Variants in SKAP1 observed in about 807,000 individuals in gnomAD.
The protein encoded by SKAP1 is src kinase associated phosphoprotein 1.
Under a neutral mutation model 58.5 loss-of-function variants are expected in SKAP1, and 44 were observed. The observed-to-expected ratio is 0.75, with a 90% CI of 0.59 to 0.97. SKAP1 has a LOEUF of 0.97. SKAP1 is among the 50% of genes least tolerant of loss of function. The probability of loss-of-function intolerance (pLI) is 0.00; values close to 1 mark genes in which losing one functional copy is unlikely to be tolerated. For synonymous variants in SKAP1, 127 were observed against 149.7 expected, an observed-to-expected ratio of 0.85 and a Z score of 1.11; for missense variants, 390 against 435.2, an observed-to-expected ratio of 0.90 and a Z score of 0.92.
At chr17:48,305,181 T>A (rs989969564) in intron 4 of SKAP1, among the ~76,000 whole-genome samples, 1 of 152,150 alleles carries the variant, frequency 6.6e-6, no homozygotes, top group African/African-American at 2.4e-5. Context: ...TTGTTGTTAT[T>A]TATTTGTTTA....
intron 4 of SKAP1, among the ~76,000 whole-genome samples, chr17:48,208,299 C>A (rs2064832795): frequency 6.6e-6 from 1 of 152,170 alleles, no homozygotes; most frequent in African/African-American, 2.4e-5. Flanking sequence ...ATTTGAAATG[C>A]TTTGATTCCA....
the SKAP1 span, among the ~76,000 whole-genome samples, chr17:48,442,750 G>A: frequency 6.6e-6 from 1 of 152,066 alleles, no homozygotes; most frequent in Non-Finnish European, 1.5e-5. Flanking sequence ...CCACCATCCT[G>A]GTCCAAGCCA....
chr17:48,436,260 CAG>C, the SKAP1 span, among the ~76,000 whole-genome samples: 5 of 152,102 alleles, frequency 3.3e-5, no homozygotes, highest in African/African-American at 1.2e-4. Flanking sequence ...TTAGTACAGA[CAG>C]GGTTTCACCA....
chr17:48,402,466 A>C (rs1214686094), intron 1 of SKAP1, among the ~76,000 whole-genome samples: 4 of 151,932 alleles, frequency 2.6e-5, no homozygotes, highest in Non-Finnish European at 5.9e-5. Flanking sequence ...AGTAGCTGGG[A>C]TTACAGGTGC....
intron 10 of SKAP1, 118 bp from the exon 11 acceptor site, chr17:48,162,687 A>T: frequency 1.5e-6 from 1 of 667,512 alleles, no homozygotes; most frequent in Non-Finnish European, 2.6e-6. Context: ...CCTCAGATTA[A>T]GGGGAGTTGA....
intron 4 of SKAP1, among the ~76,000 whole-genome samples, chr17:48,250,280 T>TTG (rs1567838164): frequency 4.2e-5 from 3 of 71,582 alleles, no homozygotes; most frequent in Non-Finnish European, 6.0e-5. Flanking sequence ...CAGTTTTTTT[T>TTG]TTTTTTTTTT....
upstream of SKAP1, among the ~76,000 whole-genome samples, chr17:48,434,567 C>T (rs969522667): frequency 3.3e-5 from 5 of 152,174 alleles, no homozygotes; most frequent in Admixed American, 2.6e-4. Flanking sequence ...AGCAGCTTCT[C>T]ATATCACATC....
rs758537059 is a variant in SKAP1 at position 48,345,935 on chromosome 17, C to T, written c.250G>A (p.Ala84Thr). The change falls in exon 4 of 13, where the codon GCA (alanine) becomes ACA (threonine). Residue 84 changes from alanine (A) to threonine (T), a missense_variant. Physicochemically the swap from Ala to Thr is moderately conservative, Grantham distance 58. Coordinates refer to ENST00000336915, the MANE Select transcript of SKAP1 (RefSeq NM_003726.4). ...TCCTGATAATCTGACAAAAAGGGTG[C>T]ATCGGATGTGAGGGACAGGCCAAGA... The part of the protein sequence containing the change: ...GTLGLSLTSD[A>T]PFLSDYQDEG... The T allele has an allele frequency of 5.0e-6, 8 of 1,613,364 alleles. No individual in the cohort carries two copies. Among genetic ancestry groups the T allele is most frequent in the South Asian group, 1.1e-5 (1 of 91,014 alleles).
At chr17:48,427,719 C>T (rs2067869660) in intron 1 of SKAP1, among the ~76,000 whole-genome samples, 1 of 151,120 alleles carries the variant, frequency 6.6e-6, no homozygotes, top group Admixed American at 6.6e-5. Flanking sequence ...CTGTGATGTC[C>T]AGTGTTAAAT....
intron 2 of SKAP1, among the ~76,000 whole-genome samples, chr17:48,378,422 A>G (rs1415458742): frequency 6.6e-6 from 1 of 152,198 alleles, no homozygotes; most frequent in South Asian, 2.1e-4. Context: ...TAATGCACGT[A>G]AAGAACCTGG....
chr17:48,373,934 T>C (rs1352278254), intron 2 of SKAP1, among the ~76,000 whole-genome samples: 1 of 152,216 alleles, frequency 6.6e-6, no homozygotes, highest in South Asian at 2.1e-4. Context: ...CTGTGACTTA[T>C]GGAAATTTAA....
At chr17:48,194,405 G>C (rs538580451) in intron 4 of SKAP1, among the ~76,000 whole-genome samples, 2 of 152,074 alleles carry the variant, frequency 1.3e-5, no homozygotes, top group Non-Finnish European at 2.9e-5. Flanking sequence ...ACAACAATGG[G>C]GACCCTTTGG....
chr17:48,174,735 A>T (rs1046579204), intron 9 of SKAP1, among the ~76,000 whole-genome samples: 2 of 152,246 alleles, frequency 1.3e-5, no homozygotes, highest in Non-Finnish European at 2.9e-5. Context: ...ACTGAAATAC[A>T]TCTTCATTTA....
At chr17:48,201,229 C>T (rs1389127052) in intron 4 of SKAP1, among the ~76,000 whole-genome samples, 1 of 152,156 alleles carries the variant, frequency 6.6e-6, no homozygotes. Context: ...TGCCATGAAC[C>T]TCAAATGGAG....
chr17:48,197,395 C>T (rs1204570238), intron 4 of SKAP1, among the ~76,000 whole-genome samples: 4 of 151,864 alleles, frequency 2.6e-5, no homozygotes, highest in Non-Finnish European at 5.9e-5. Flanking sequence ...GATTTACTTA[C>T]TCTTGAAGGA....
At chr17:48,351,959 T>C (rs889811687) in intron 3 of SKAP1, among the ~76,000 whole-genome samples, 7 of 152,088 alleles carry the variant, frequency 4.6e-5, no homozygotes, top group African/African-American at 1.7e-4. Flanking sequence ...CTTTTTTTCT[T>C]TTTTTCCCTC....
intron 4 of SKAP1, among the ~76,000 whole-genome samples, chr17:48,196,354 C>T: frequency 6.6e-6 from 1 of 152,144 alleles, no homozygotes; most frequent in East Asian, 1.9e-4. Flanking sequence ...ATCTATATTT[C>T]TTATTTACTT....
chr17:48,326,853 C>T (rs1467201298), intron 4 of SKAP1, among the ~76,000 whole-genome samples: 4 of 150,950 alleles, frequency 2.6e-5, no homozygotes, highest in Non-Finnish European at 5.9e-5. Context: ...TTTTAAGTGT[C>T]GACCACAAGG....
chr17:48,172,069 A>T (rs2064226203), intron 9 of SKAP1, among the ~76,000 whole-genome samples: 1 of 152,108 alleles, frequency 6.6e-6, no homozygotes, highest in Non-Finnish European at 1.5e-5. Flanking sequence ...TGGGGAAAAA[A>T]CAAAAAACAA....
Sources: gnomAD v4.1 joint callset for allele counts (sites outside exome capture counted in the v4.1 genomes callset) on GRCh38, gnomAD v4.1.1 for gene constraint, MANE v1.5 for transcripts, NCBI Gene and HGNC (gene_info 2026-07-23, HGNC 2026-07-21) for gene names.